ARSG: variants seen among roughly 807,000 people sequenced by gnomAD.
ARSG encodes the protein ASG.
In ARSG, 37 loss-of-function variants were observed where a neutral mutation model predicts 50.5. The ratio of observed to expected loss-of-function variants is 0.73; its 90% CI spans 0.56 to 0.96. The LOEUF is 0.96. ARSG is among the 50% of genes least tolerant of loss of function. The pLI is 0.00. For synonymous variants in ARSG, 225 were observed against 254.6 expected (o/e 0.88, Z 1.11); for missense variants, 629 against 675.3 (o/e 0.93, Z 0.76).
In ARSG at chr17:68,368,726, A is replaced by G. The variant is rs2079674061; in HGVS notation, c.883A>G (p.Thr295Ala). The G allele has an allele frequency of 6.2e-7, 1 of 1,613,528 alleles. No homozygotes were observed. Among genetic ancestry groups the G allele is most frequent in the Non-Finnish European group, 8.5e-7 (1 of 1,179,864 alleles). Residue 295 changes from threonine (T) to alanine (A), a missense_variant, in exon 7 of 12, where the codon ACA becomes GCA. By Grantham distance (58) the Thr-to-Ala change is moderately conservative. Coordinates refer to ENST00000621439, the MANE Select transcript of ARSG (RefSeq NM_001267727.2). ...DKVDHTVKEN[T>A]FLWFTGDNGP... ...AGTTGACCACACAGTGAAGGAAAAC[A>G]CATTCCTCTGGTTTACAGGTAAAGT...
chr17:68,397,550 C>T (rs2081298285), intron 10 of ARSG, among the ~76,000 whole-genome samples: 1 of 151,920 alleles, frequency 6.6e-6, no homozygotes, highest in Admixed American at 6.6e-5. Context: ...AGTCATAGAC[C>T]TAAGGAAATA....
In ARSG at chr17:68,360,382, C is replaced by T. The variant is rs187623999; in HGVS notation, c.704+3578C>T. ...TGGCCCCTGCCTCAAGCCCCTCCCC[C>T]ACCTTGGACCTGTTTTTCAAAACCA... On this transcript the variant is annotated intron_variant, in intron 6 of 11. Coordinates refer to ENST00000621439, the MANE Select transcript of ARSG (RefSeq NM_001267727.2). Among the ~76,000 whole-genome samples the T allele has an allele frequency of 9.2e-5, 14 of 152,302 alleles. No individual in the cohort carries two copies. In the South Asian group the frequency reaches 1.0e-3, roughly 11 times the overall value.
intron 11 of ARSG, among the ~76,000 whole-genome samples, chr17:68,409,021 G>T (rs1186117942): frequency 6.3e-5 from 9 of 142,246 alleles, no homozygotes; most frequent in Non-Finnish European, 1.2e-4. Flanking sequence ...CTGGATATTA[G>T]CCCTTTGTCA....
intron 4 of ARSG, among the ~76,000 whole-genome samples, 195 bp from the exon 5 acceptor site, chr17:68,351,380 C>CTT (rs896318335): frequency 1.3e-5 from 2 of 152,154 alleles, no homozygotes; most frequent in African/African-American, 4.8e-5. Flanking sequence ...CAAATCTAAT[C>CTT]TAACAGCCAG....
Position 68,370,432 on chromosome 17 carries a change from T to C in ARSG, c.902-12T>C. 1 of 1,613,870 alleles carries C rather than the reference T, an allele frequency of 6.2e-7. No homozygotes were observed. Among genetic ancestry groups the C allele is most frequent in the South Asian group, 1.1e-5 (1 of 91,050 alleles). On this transcript the variant is annotated splice_polypyrimidine_tract_variant and intron_variant, in intron 7 of 11. Transcript: ENST00000621439. ...CAGCCTGGTGACCATTAATGCTTTT[T>C]CTGGTTTCTAGGAGACAATGGCCCG...
intron 6 of ARSG, among the ~76,000 whole-genome samples, chr17:68,357,404 C>G (rs948042209): frequency 5.9e-5 from 9 of 152,170 alleles, no homozygotes; most frequent in African/African-American, 2.2e-4. Flanking sequence ...ATTCTCAACT[C>G]TAATTCTGTT....
chr17:68,390,160 G>T (rs966759294), intron 9 of ARSG, among the ~76,000 whole-genome samples: 2 of 151,884 alleles, frequency 1.3e-5, no homozygotes, highest in African/African-American at 4.8e-5. Context: ...GCTAATTTTT[G>T]TCTTTTTAGT....
chr17:68,375,885 C>G (rs1050307554), intron 8 of ARSG, among the ~76,000 whole-genome samples: 1 of 151,872 alleles, frequency 6.6e-6, no homozygotes, highest in African/African-American at 2.4e-5. Context: ...TTCAGTTTGG[C>G]TTTTATTTTA....
At chr17:68,287,915 T>G (rs1376609423), upstream of ARSG, among the ~76,000 whole-genome samples, 2 of 151,830 alleles carry the variant, frequency 1.3e-5, no homozygotes, top group Non-Finnish European at 2.9e-5. Context: ...TCTTCTCCCT[T>G]TTTTCTTTTC....
chr17:68,308,678 C>G (rs2145610498), intron 2 of ARSG, among the ~76,000 whole-genome samples: 1 of 152,330 alleles, frequency 6.6e-6, no homozygotes, highest in African/African-American at 2.4e-5. Flanking sequence ...TCTGGCCCCA[C>G]CCACATCCTG....
intron 1 of ARSG, among the ~76,000 whole-genome samples, chr17:68,261,638 C>T (rs1555745190): frequency 6.6e-6 from 1 of 152,096 alleles, no homozygotes; most frequent in African/African-American, 2.4e-5. Flanking sequence ...CTTAGCCTCC[C>T]AAAGTGGATG....
intron 3 of ARSG, among the ~76,000 whole-genome samples, chr17:68,344,088 A>G (rs538137977): frequency 6.6e-6 from 1 of 152,256 alleles, no homozygotes; most frequent in African/African-American, 2.4e-5. Flanking sequence ...TGCCATCCTT[A>G]GCATGTTGGT....
At chr17:68,281,427 C>T (rs1189719581) in intron 1 of ARSG, among the ~76,000 whole-genome samples, 3 of 151,734 alleles carry the variant, frequency 2.0e-5, no homozygotes, top group Admixed American at 6.6e-5. Context: ...ATTAGCTGGG[C>T]GTGGTGGCAT....
the ARSG span, among the ~76,000 whole-genome samples, chr17:68,442,634 C>T: frequency 6.6e-6 from 1 of 152,158 alleles, no homozygotes; most frequent in Non-Finnish European, 1.5e-5. Context: ...CAGCTTCTAG[C>T]TTTCTGCATG....
intron 5 of ARSG, 132 bp from the exon 6 acceptor site, chr17:68,356,535 G>A: frequency 9.7e-7 from 1 of 1,025,878 alleles, no homozygotes; most frequent in Non-Finnish European, 1.4e-6. Context: ...TGGAGGAAAT[G>A]GCCAACCAGA....
intron 1 of ARSG, among the ~76,000 whole-genome samples, chr17:68,263,938 AC>A (rs1365485414): frequency 6.6e-6 from 1 of 151,748 alleles, no homozygotes; most frequent in Non-Finnish European, 1.5e-5. Context: ...ACTCACTGCA[AC>A]CTCCACCTCC....
chr17:68,298,651 TTACAAAAA>T (rs1555759603), intron 1 of ARSG, among the ~76,000 whole-genome samples: 1 of 150,088 alleles, frequency 6.7e-6, no homozygotes, highest in Non-Finnish European at 1.5e-5. Context: ...CAACAGAAAT[TTACAAAAA>T]TACAGCCCAA....
the ARSG span, among the ~76,000 whole-genome samples, chr17:68,439,258 G>T: frequency 6.6e-6 from 1 of 152,136 alleles, no homozygotes; most frequent in African/African-American, 2.4e-5. Context: ...AATGGATAAA[G>T]AAAATGTGAT....
chr17:68,280,879 C>A (rs782601249), intron 1 of ARSG, among the ~76,000 whole-genome samples: 4 of 152,180 alleles, frequency 2.6e-5, no homozygotes, highest in Non-Finnish European at 4.4e-5. Flanking sequence ...AATCCCAGCA[C>A]TTCGGGATGC....
Sources: allele counts gnomAD v4.1 joint callset (sites outside exome capture counted in the v4.1 genomes callset), GRCh38; gene constraint gnomAD v4.1.1; transcripts MANE v1.5; gene names NCBI Gene and HGNC (gene_info 2026-07-23, HGNC 2026-07-21).